The following DCAF12 variants were observed in gnomAD, a reference collection of about 807,000 sequenced individuals.
DCAF12 encodes the protein DDB1 and CUL4 associated factor 12, also known as DDB1- and CUL4-associated factor 12.
DCAF12 carries 28 observed loss-of-function variants against 52.8 expected under a neutral mutation model. That is an observed-to-expected ratio of 0.53 (90% confidence interval 0.39 to 0.73). The LOEUF (loss-of-function observed/expected upper bound fraction) is 0.73. Ranked by LOEUF, DCAF12 falls within the 30% of genes least tolerant of loss-of-function variation. The probability of loss-of-function intolerance (pLI) is 0.00; values close to 1 mark genes in which losing one functional copy is unlikely to be tolerated. For missense variants in DCAF12, 425 were observed against 552.2 expected (o/e 0.77, Z 2.31); for synonymous variants, 196 against 215.5 (o/e 0.91, Z 0.79).
intron 2 of DCAF12, 138 bp downstream of exon 2, chr9:34,124,885 C>A: frequency 9.0e-7 from 1 of 1,113,168 alleles, no homozygotes; most frequent in East Asian, 2.4e-5. Context: ...AAGAAGTCAC[C>A]AACGGGAAAG....
At chr9:34,119,404 T>G (rs1160545798) in intron 2 of DCAF12, among the ~76,000 whole-genome samples, 1 of 152,210 alleles carries the variant, frequency 6.6e-6, no homozygotes, top group East Asian at 1.9e-4. Flanking sequence ...ACATATATAT[T>G]TTAATTGTGC....
intron 2 of DCAF12, among the ~76,000 whole-genome samples, chr9:34,118,270 A>G (rs528175164): frequency 6.6e-6 from 1 of 152,190 alleles, no homozygotes; most frequent in Non-Finnish European, 1.5e-5. Flanking sequence ...AGTAGCCGGG[A>G]CCACAGGCAT....
In DCAF12 at chr9:34,088,502, C is replaced by G; in HGVS notation, c.1210G>C (p.Asp404His). Residue 404 changes from aspartate to histidine, a missense_variant, in exon 9 of 9, where the codon GAT becomes CAT. Asp to His is a moderately conservative substitution (Grantham distance 81). Transcript: ENST00000361264. ...GAAAAGTAATTCCTCCAGGTTTCAT[C>G]ATGATTCTACGGGAAGAGAAAGAGA... ...LTTGKGWLNH[D>H]ETWRNYFSDI... 1 of 1,614,146 alleles carries G rather than the reference C, an allele frequency of 6.2e-7. No homozygotes were observed. Among genetic ancestry groups the G allele is most frequent in the South Asian group, 1.1e-5 (1 of 91,082 alleles).
At chr9:34,117,224 A>G (rs1177878682) in intron 2 of DCAF12, among the ~76,000 whole-genome samples, 1 of 151,584 alleles carries the variant, frequency 6.6e-6, no homozygotes, top group Non-Finnish European at 1.5e-5. Flanking sequence ...TATAAGCTTT[A>G]TATCTAGCAG....
In DCAF12 at chr9:34,106,976, T is replaced by C. The variant is rs115554410; in HGVS notation, c.540+383A>G. Among the ~76,000 whole-genome samples, 897 of 152,230 alleles carry C rather than the reference T, an allele frequency of 5.9e-3. 6 individuals carry two copies. The highest frequency in any genetic ancestry group is 0.02 in the African/African-American group (850 of 41,542). On this transcript the variant is annotated intron_variant, in intron 3 of 8. Coordinates refer to ENST00000361264, the MANE Select transcript of DCAF12 (RefSeq NM_015397.4). The stretch of plus-strand genomic sequence containing the variant: ...TACTGGTAAATATTAGTTTATATGG[T>C]TTATGTTTTGTCTATATGTCACCCT...
chr9:34,098,409 T>A lies in DCAF12; in HGVS notation c.710A>T (p.His237Leu). The change falls in exon 5 of 9, where the codon CAC becomes CTC. Residue 237 changes from histidine to leucine, a missense_variant. Coordinates refer to ENST00000361264, the MANE Select transcript of DCAF12 (RefSeq NM_015397.4). ...SRVPVYAHIT[H>L]KALKDIPKED... ...TTTGGGGATGTCCTTTAAGGCCTTG[T>A]GAGTGATGTGTGCATACACAGGGAC... 2 of 1,614,240 alleles carry A rather than the reference T, an allele frequency of 1.2e-6. No homozygotes were observed. The highest frequency in any genetic ancestry group is 1.7e-6 in the Non-Finnish European group (2 of 1,180,040).
chr9:34,109,535 G>T (rs1393318539), intron 2 of DCAF12: 1 of 153,162 alleles, frequency 6.5e-6, no homozygotes, highest in Non-Finnish European at 1.5e-5. Flanking sequence ...TGCACGTACG[G>T]CCCCTGAACA....
chr9:34,099,611 G>T (rs1163167404), intron 4 of DCAF12, among the ~76,000 whole-genome samples: 2 of 143,160 alleles, frequency 1.4e-5, no homozygotes, highest in Non-Finnish European at 3.1e-5. Flanking sequence ...CCCTTTTTTT[G>T]GAGATGAAGT....
intron 4 of DCAF12, among the ~76,000 whole-genome samples, chr9:34,098,815 C>T (rs955160311): frequency 6.6e-6 from 1 of 152,104 alleles, no homozygotes; most frequent in African/African-American, 2.4e-5. Flanking sequence ...GTCACCCAGG[C>T]TGGAGTGCAG....
intron 6 of DCAF12, among the ~76,000 whole-genome samples, chr9:34,095,372 CTT>C (rs36066422): frequency 2.6e-5 from 2 of 78,178 alleles, no homozygotes; most frequent in African/African-American, 5.4e-5. Flanking sequence ...CGCGCCAGGC[CTT>C]TTTTTTTTTT....
At chr9:34,121,444 T>C (rs1223992191) in intron 2 of DCAF12, among the ~76,000 whole-genome samples, 1 of 152,196 alleles carries the variant, frequency 6.6e-6, no homozygotes, top group African/African-American at 2.4e-5. Context: ...CGCTCTCTTA[T>C]GGTGAAGGTT....
Position 34,087,677 on chromosome 9 carries a change from C to A in DCAF12, c.*673G>T, listed in dbSNP as rs1828581774. 1 of 152,168 alleles carries A rather than the reference C, an allele frequency of 6.6e-6. No homozygotes were observed. The highest frequency in any genetic ancestry group is 1.5e-5 in the Non-Finnish European group (1 of 68,040). The allele number at this position is 152,168 out of a possible 1,614,324, so 9.4% of individuals were successfully genotyped here. A position where few individuals can be genotyped will look rare whatever the true frequency, so the allele number is the denominator to read the frequency against. ...TGGGAGGCCCCAGGAAGCCTACAAT[C>A]TAACTAAAAAGATTTTCCCAGTGGT... On this transcript the variant is annotated 3_prime_UTR_variant, in exon 9 of 9. Coordinates refer to ENST00000361264, the MANE Select transcript of DCAF12 (RefSeq NM_015397.4).
chr9:34,096,056 CT>C (rs1828730048), intron 6 of DCAF12: 2 of 152,102 alleles, frequency 1.3e-5, no homozygotes, highest in South Asian at 4.2e-4. Flanking sequence ...GAGAACTGGT[CT>C]TTTAAACAAG....
intron 2 of DCAF12, among the ~76,000 whole-genome samples, chr9:34,118,988 T>C (rs10971936): frequency 0.091 from 13,781 of 151,944 alleles, 902 homozygotes; most frequent in Non-Finnish European, 0.13. Flanking sequence ...ATAATAATAA[T>C]AATATCTCTC....
chr9:34,114,451 A>G (rs1343573952), intron 2 of DCAF12, among the ~76,000 whole-genome samples: 3 of 151,908 alleles, frequency 2.0e-5, no homozygotes, highest in Admixed American at 6.6e-5. Flanking sequence ...CCTCACCCTC[A>G]TTATTGCAAA....
In DCAF12 at chr9:34,093,491, G is replaced by A. The variant is rs765766345; in HGVS notation, c.862-43C>T. 18 of 1,601,830 alleles carry A rather than the reference G, an allele frequency of 1.1e-5. No individual in the cohort carries two copies. The African/African-American group carries it at 1.6e-4, about 14-fold the overall frequency. ...ATATAACCATGGCATCAGCAGAGAG[G>A]GTAAGGCAGGGATATTGTTTCTGGA... On this transcript the variant is annotated intron_variant, in intron 6 of 8. Coordinates refer to ENST00000361264, the MANE Select transcript of DCAF12 (RefSeq NM_015397.4).
At position 34,087,313 on chromosome 9, in the gene DCAF12, C is replaced by T. The variant is rs1383944622; in HGVS notation, c.*1037G>A. The T allele has an allele frequency of 6.6e-6, 1 of 152,312 alleles. No individual in the cohort carries two copies. Among genetic ancestry groups the T allele is most frequent in the African/African-American group, 2.4e-5 (1 of 41,456 alleles). The allele number at this position is 152,312 out of a possible 1,614,324, so 9.4% of individuals were successfully genotyped here. A position where few individuals can be genotyped will look rare whatever the true frequency, so the allele number is the denominator to read the frequency against. On this transcript the variant is annotated 3_prime_UTR_variant, in exon 9 of 9. Transcript: ENST00000361264. ...CCCAATTTAGAAAATAATAGCAAAA[C>T]CCACTGGGGAGATTGGAAGAATGGC...
intron 3 of DCAF12, 87 bp from the exon 4 acceptor site, chr9:34,106,581 C>T (rs563704724): frequency 4.6e-5 from 50 of 1,089,590 alleles, no homozygotes; most frequent in Non-Finnish European, 6.0e-5. Flanking sequence ...AAGAAGCATA[C>T]AAGTCAGACT....
chr9:34,095,970 T>TAAA (rs1262982376), intron 6 of DCAF12: 2 of 152,232 alleles, frequency 1.3e-5, no homozygotes, highest in African/African-American at 4.8e-5. Flanking sequence ...TCTTACTCTT[T>TAAA]AAAAGACTTT....
Sources: gnomAD v4.1 joint callset for allele counts (sites outside exome capture counted in the v4.1 genomes callset) on GRCh38, gnomAD v4.1.1 for gene constraint, MANE v1.5 for transcripts, NCBI Gene and HGNC (gene_info 2026-07-23, HGNC 2026-07-21) for gene names.